The following LRRC28 variants were observed in gnomAD, a reference collection of about 807,000 sequenced individuals.
LRRC28 encodes the protein leucine-rich repeat-containing protein 28.
A neutral mutation model predicts 45.7 loss-of-function variants in LRRC28; 39 were observed. That is an observed-to-expected ratio of 0.85 (90% confidence interval 0.66 to 1.12). The LOEUF is 1.12. Among genes scored for constraint, LRRC28 ranks in the 50% most tolerant of loss-of-function variants. The pLI is 0.00. For synonymous variants in LRRC28, 206 were observed against 178.8 expected (o/e 1.15, Z -1.22); for missense variants, 435 against 438.5 (o/e 0.99, Z 0.07).
intron 5 of LRRC28, among the ~76,000 whole-genome samples, chr15:99,320,333 T>A (rs1006459815): frequency 3.9e-5 from 6 of 152,176 alleles, no homozygotes; most frequent in African/African-American, 1.4e-4. Context: ...CTGCCACACA[T>A]TCAAAAGTTA....
intron 6 of LRRC28, among the ~76,000 whole-genome samples, chr15:99,334,941 A>G (rs925885381): frequency 4.6e-5 from 7 of 152,230 alleles, no homozygotes; most frequent in African/African-American, 1.7e-4. Flanking sequence ...AATACAATGC[A>G]CATATTATTT....
intron 9 of LRRC28, 79 bp from the exon 10 acceptor site, chr15:99,385,951 A>G: frequency 7.5e-7 from 1 of 1,329,830 alleles, no homozygotes; most frequent in Non-Finnish European, 1.1e-6. Context: ...TTTAACAAAG[A>G]AAAAAGTTTC....
At chr15:99,336,026 T>C (rs1218781244) in intron 6 of LRRC28, among the ~76,000 whole-genome samples, 1 of 152,072 alleles carries the variant, frequency 6.6e-6, no homozygotes, top group Non-Finnish European at 1.5e-5. Context: ...AAGTCTGGGG[T>C]CGCCTATACT....
At chr15:99,327,137 C>A (rs993177819) in intron 5 of LRRC28, among the ~76,000 whole-genome samples, 1 of 151,972 alleles carries the variant, frequency 6.6e-6, no homozygotes, top group Non-Finnish European at 1.5e-5. Flanking sequence ...TGCAGTGGCA[C>A]GATCTCGGCT....
chr15:99,319,554 C>T (rs1248834207), intron 5 of LRRC28, among the ~76,000 whole-genome samples: 1 of 151,950 alleles, frequency 6.6e-6, no homozygotes, highest in African/African-American at 2.4e-5. Flanking sequence ...TGGTTAGATA[C>T]CAGCGAACAC....
At chr15:99,273,657 T>G (rs919545659) in intron 2 of LRRC28, among the ~76,000 whole-genome samples, 1 of 152,236 alleles carries the variant, frequency 6.6e-6, no homozygotes, top group Non-Finnish European at 1.5e-5. Context: ...GATGCTCTAT[T>G]GGCAACAGAA....
Position 99,388,470 on chromosome 15 carries a change from A to T in LRRC28, c.*2368A>T, listed in dbSNP as rs1258725151. On this transcript the variant is annotated 3_prime_UTR_variant, in exon 10 of 10. Coordinates refer to ENST00000301981, the MANE Select transcript of LRRC28 (RefSeq NM_144598.5). Reference sequence around the variant, plus strand: ...GGGCAGACAACCTTTGGGCAGTCTCAACCTTAATCCTTGGGTACAGCACCT... The same window carrying T: ...GGGCAGACAACCTTTGGGCAGTCTCTACCTTAATCCTTGGGTACAGCACCT... 3.3e-5 allele frequency: 5 copies of T among 152,258 alleles called. No homozygotes were observed. Among genetic ancestry groups the T allele is most frequent in the South Asian group, 2.1e-4 (1 of 4,832 alleles). The allele number at this position is 152,258 out of a possible 1,614,324, so 9.4% of individuals were successfully genotyped here.
intron 5 of LRRC28, among the ~76,000 whole-genome samples, chr15:99,322,503 C>T (rs1351212910): frequency 7.2e-5 from 11 of 151,970 alleles, no homozygotes; most frequent in Admixed American, 7.2e-4. Context: ...CTGTATTTCT[C>T]TCTATTCTAT....
intron 6 of LRRC28, among the ~76,000 whole-genome samples, chr15:99,343,423 C>G (rs1353516926): frequency 6.6e-6 from 1 of 152,128 alleles, no homozygotes. Context: ...ACTGTGTATG[C>G]CAGAGCCTTG....
chr15:99,284,022 T>C (rs917097213), intron 3 of LRRC28, among the ~76,000 whole-genome samples: 1 of 152,232 alleles, frequency 6.6e-6, no homozygotes, highest in Non-Finnish European at 1.5e-5. Context: ...ATTTATTAAT[T>C]CATTTAGTCC....
At chr15:99,380,108 C>A (rs1316539282) in intron 9 of LRRC28, among the ~76,000 whole-genome samples, 1 of 152,096 alleles carries the variant, frequency 6.6e-6, no homozygotes, top group African/African-American at 2.4e-5. Context: ...CTTTCTGTCT[C>A]GTTGATCTGT....
Position 99,268,736 on chromosome 15 carries a change from T to C in LRRC28, c.169-7840T>C, listed in dbSNP as rs533688516. ...TCAAGCTAGGTGTAATCTTAAATCA[T>C]TGATCTGGCTTAATGGGAATGTGTT... is the stretch of plus-strand genomic sequence containing the variant. On this transcript the variant is annotated intron_variant, in intron 2 of 9. Coordinates refer to ENST00000301981, the MANE Select transcript of LRRC28 (RefSeq NM_144598.5). Among the ~76,000 whole-genome samples, 27 of 152,352 alleles carry C rather than the reference T, an allele frequency of 1.8e-4. 1 individual carries two copies. The South Asian group carries it at 5.4e-3, about 30-fold the overall frequency.
chr15:99,281,948 C>T (rs1390666491), intron 3 of LRRC28, among the ~76,000 whole-genome samples: 1 of 151,826 alleles, frequency 6.6e-6, no homozygotes, highest in Admixed American at 6.6e-5. Flanking sequence ...GCCTGGAGTA[C>T]CTTTTATTTT....
intron 3 of LRRC28, among the ~76,000 whole-genome samples, chr15:99,281,704 T>A (rs1157097381): frequency 6.6e-6 from 1 of 152,200 alleles, no homozygotes; most frequent in Non-Finnish European, 1.5e-5. Context: ...TGTGTCCCTT[T>A]TTTCTGGCAT....
chr15:99,297,775 CTA>C (rs1200700209), intron 5 of LRRC28, among the ~76,000 whole-genome samples: 2 of 151,546 alleles, frequency 1.3e-5, no homozygotes, highest in Non-Finnish European at 1.5e-5. Flanking sequence ...TATAGATAAA[CTA>C]TCAGCTATTG....
intron 9 of LRRC28, among the ~76,000 whole-genome samples, chr15:99,377,445 C>T (rs1276716601): frequency 2.0e-5 from 3 of 152,154 alleles, no homozygotes; most frequent in African/African-American, 7.2e-5. Flanking sequence ...GATGTTAGCC[C>T]TTTGCCAGAT....
Position 99,386,795 on chromosome 15 carries a change from T to C in LRRC28, c.*693T>C, listed in dbSNP as rs748361531. The C allele has an allele frequency of 1.3e-5, 2 of 152,172 alleles. No homozygotes were observed. The highest frequency in any genetic ancestry group is 2.4e-5 in the African/African-American group (1 of 41,448). The allele number at this position is 152,172 out of a possible 1,614,324, so 9.4% of individuals were successfully genotyped here. On this transcript the variant is annotated 3_prime_UTR_variant, in exon 10 of 10. Transcript: ENST00000301981. ...AAATACACTTCCTGTTTTTTAAAAG[T>C]GTTTGCAGAAAAATGATTTTTGAAG...
chr15:99,289,573 C>T (rs1009274939), intron 5 of LRRC28, among the ~76,000 whole-genome samples: 1 of 152,154 alleles, frequency 6.6e-6, no homozygotes, highest in East Asian at 1.9e-4. Flanking sequence ...TAAATTAAAA[C>T]ATACTAATGG....
At position 99,349,907 on chromosome 15, in the gene LRRC28, C is replaced by A. The variant is rs1456559611; in HGVS notation, c.593-2462C>A. ...ATCCCAGCACTTTGGGAGGCCGAGG[C>A]GGGTGGATCATGAGGTCAGGAGATC... On this transcript the variant is annotated intron_variant, in intron 6 of 9. Transcript: ENST00000301981. 4.0e-5 allele frequency among the ~76,000 whole-genome samples: 6 copies of A among 151,832 alleles called. No individual in the cohort carries two copies. The South Asian group carries it at 1.2e-3, about 32-fold the overall frequency.
Sources: gnomAD v4.1 joint callset for allele counts (sites outside exome capture counted in the v4.1 genomes callset) on GRCh38, gnomAD v4.1.1 for gene constraint, MANE v1.5 for transcripts, NCBI Gene and HGNC (gene_info 2026-07-23, HGNC 2026-07-21) for gene names.